The following KHDRBS2 variants were observed in gnomAD, a reference collection of about 807,000 sequenced individuals.
KHDRBS2 encodes KH RNA binding domain containing, signal transduction associated 2.
In KHDRBS2, 26 loss-of-function variants were observed where a neutral mutation model predicts 44.3. That is an observed-to-expected ratio of 0.59 (90% CI 0.43 to 0.81). The LOEUF (loss-of-function observed/expected upper bound fraction) is 0.81, where lower values mean the gene tolerates loss of function less well. KHDRBS2 is among the 40% of genes least tolerant of loss of function. The pLI, the probability that KHDRBS2 is intolerant of heterozygous loss-of-function variation, is 0.00. For synonymous variants in KHDRBS2, 194 were observed against 151.1 expected, an observed-to-expected ratio of 1.28 and a Z score of -2.08; for missense variants, 476 against 433.1, an observed-to-expected ratio of 1.10 and a Z score of -0.88.
chr6:61,807,769 T>C lies in KHDRBS2; in HGVS notation c.811-75005A>G, dbSNP rs1036277749. Among the ~76,000 whole-genome samples the C allele has an allele frequency of 1.5e-4, 23 of 152,092 alleles. 1 individual carries two copies. The highest frequency in any genetic ancestry group is 3.4e-4 in the Non-Finnish European group (23 of 68,018). ...AAATTATCTGTACACTAAACCCTCA[T>C]GGCACACAGTTTATCTATGTAACAA... On this transcript the variant is annotated intron_variant, in intron 6 of 8. Transcript: ENST00000281156.
intron 2 of KHDRBS2, among the ~76,000 whole-genome samples, chr6:62,074,915 C>T (rs1393778734): frequency 6.6e-6 from 1 of 151,784 alleles, no homozygotes; most frequent in Non-Finnish European, 1.5e-5. Context: ...TGTTTAATGT[C>T]CCTACAGTTT....
intron 1 of KHDRBS2, among the ~76,000 whole-genome samples, chr6:62,220,037 C>T (rs143518370): frequency 1.3e-5 from 2 of 150,366 alleles, no homozygotes; most frequent in East Asian, 3.9e-4. Context: ...AAAGAACATA[C>T]TATAAGTAGG....
chr6:61,798,813 A>T (rs1018641350), intron 6 of KHDRBS2, among the ~76,000 whole-genome samples: 7 of 151,990 alleles, frequency 4.6e-5, no homozygotes, highest in Non-Finnish European at 8.8e-5. Flanking sequence ...TTTTATAGTC[A>T]TACATACCTT....
intron 2 of KHDRBS2, among the ~76,000 whole-genome samples, chr6:62,120,871 C>A (rs946697042): frequency 2.6e-5 from 4 of 152,122 alleles, no homozygotes; most frequent in Non-Finnish European, 1.5e-5. Context: ...TGATGTTAAT[C>A]TTTTTCCTAT....
At chr6:62,074,846 C>A (rs1584533683) in intron 2 of KHDRBS2, among the ~76,000 whole-genome samples, 1 of 151,756 alleles carries the variant, frequency 6.6e-6, no homozygotes, top group African/African-American at 2.4e-5. Context: ...TGAACTACAT[C>A]CTAGAAAATT....
chr6:61,585,158 AT>A, the KHDRBS2 span, among the ~76,000 whole-genome samples: 2 of 151,902 alleles, frequency 1.3e-5, no homozygotes, highest in African/African-American at 4.8e-5. Flanking sequence ...CTTAAAACCC[AT>A]TGTGGATTTG....
chr6:62,151,014 C>T (rs1321195758), intron 2 of KHDRBS2, among the ~76,000 whole-genome samples: 1 of 152,102 alleles, frequency 6.6e-6, no homozygotes, highest in Non-Finnish European at 1.5e-5. Flanking sequence ...CACCCCATCA[C>T]CTCACCCGTC....
At chr6:62,059,755 T>C (rs892067484) in intron 2 of KHDRBS2, among the ~76,000 whole-genome samples, 17 of 151,898 alleles carry the variant, frequency 1.1e-4, no homozygotes, top group African/African-American at 4.1e-4. Context: ...ACAGGGGTAG[T>C]ATTTCAAGTC....
chr6:62,280,575 C>G (rs149492647), intron 1 of KHDRBS2, among the ~76,000 whole-genome samples: 1 of 151,886 alleles, frequency 6.6e-6, no homozygotes, highest in Non-Finnish European at 1.5e-5. Context: ...GAAGCCAAAC[C>G]GAATAATTCT....
chr6:61,592,787 G>T, the KHDRBS2 span, among the ~76,000 whole-genome samples: 25,771 of 151,948 alleles, frequency 0.17, 2,379 homozygotes, highest in East Asian at 0.28. Flanking sequence ...TGAGATAAGA[G>T]ATTGGCGAAG....
Position 61,680,330 on chromosome 6 carries a change from C to A in KHDRBS2, c.*633G>T, listed in dbSNP as rs1198283266. ...TATTTAGAGAAGCTTACACATGGAA[C>A]TTTATGTGTGTTTTTTTTTCTTTTT... On this transcript the variant is annotated 3_prime_UTR_variant, in exon 9 of 9. Coordinates refer to ENST00000281156, the MANE Select transcript of KHDRBS2 (RefSeq NM_152688.4). 1 of 149,896 alleles carries A rather than the reference C, an allele frequency of 6.7e-6. No individual in the cohort carries two copies. The highest frequency in any genetic ancestry group is 6.7e-5 in the Admixed American group (1 of 14,890). 9.3% of individuals were successfully genotyped at this position (149,896 alleles called of 1,614,324 possible).
intron 6 of KHDRBS2, among the ~76,000 whole-genome samples, chr6:61,893,028 T>C (rs1583368795): frequency 6.6e-6 from 1 of 152,146 alleles, no homozygotes; most frequent in South Asian, 2.1e-4. Context: ...ATATCCAGAA[T>C]CTACAATGAA....
rs534049438 is a variant in KHDRBS2, at chr6:61,836,525, C to T, written c.810+58110G>A. 6.6e-5 allele frequency among the ~76,000 whole-genome samples: 10 copies of T among 152,096 alleles called. No homozygotes were observed. In the South Asian group the frequency reaches 1.9e-3, roughly 28 times the overall value. ...AATTAGGTGGGACACATTTTTAATG[C>T]TTCCAATAAATAAGAAAAATGTGCC... On this transcript the variant is annotated intron_variant, in intron 6 of 8. Transcript: ENST00000281156.
chr6:62,204,330 A>G (rs1827581607), intron 1 of KHDRBS2, among the ~76,000 whole-genome samples: 1 of 152,206 alleles, frequency 6.6e-6, no homozygotes, highest in African/African-American at 2.4e-5. Flanking sequence ...GAGTTTGCTT[A>G]GCAAAGAACT....
At chr6:62,024,643 C>G (rs983808835) in intron 3 of KHDRBS2, among the ~76,000 whole-genome samples, 4 of 151,534 alleles carry the variant, frequency 2.6e-5, no homozygotes, top group Non-Finnish European at 4.4e-5. Flanking sequence ...GGTGTTATTA[C>G]AAACAAAATA....
rs1562519369 is a variant in KHDRBS2, at chr6:61,955,428, GTATGTGTATGTATACA to G, written c.483+22622_483+22637del. ...CATATACGTGTATATATACACATAC[GTATGTGTATGTATACA>G]TATGTGTATATATACATATGTGTAT... On this transcript the variant is annotated intron_variant, in intron 4 of 8. Coordinates refer to ENST00000281156, the MANE Select transcript of KHDRBS2 (RefSeq NM_152688.4). Among the ~76,000 whole-genome samples the G allele has an allele frequency of 1.4e-3, 190 of 138,302 alleles. 53 individuals are homozygous for G. Among genetic ancestry groups the G allele is most frequent in the African/African-American group, 4.9e-3 (185 of 37,620 alleles). 90.7% of individuals were successfully genotyped at this position (138,302 alleles called of 152,430 possible).
chr6:62,186,272 G>A (rs934123150), intron 1 of KHDRBS2, among the ~76,000 whole-genome samples: 27 of 152,006 alleles, frequency 1.8e-4, no homozygotes, highest in African/African-American at 5.6e-4. Flanking sequence ...CTCCTAAAAC[G>A]GCTGTAAGGA....
chr6:62,274,732 G>A (rs576238217), intron 1 of KHDRBS2, among the ~76,000 whole-genome samples: 12 of 151,992 alleles, frequency 7.9e-5, no homozygotes, highest in Middle Eastern at 3.4e-3. Context: ...GTCCTGCCCC[G>A]AACTCCTAAA....
At chr6:61,616,470 CATATAT>C in the KHDRBS2 span, among the ~76,000 whole-genome samples, 10,798 of 144,992 alleles carry the variant, frequency 0.074, 636 homozygotes, top group African/African-American at 0.17. Flanking sequence ...AAAGAATATA[CATATAT>C]ATATATATAT....
Sources: allele counts gnomAD v4.1 joint callset (sites outside exome capture counted in the v4.1 genomes callset), GRCh38; gene constraint gnomAD v4.1.1; transcripts MANE v1.5; gene names NCBI Gene and HGNC (gene_info 2026-07-23, HGNC 2026-07-21).